Variants in KLF8 observed in about 807,000 individuals in gnomAD.
KLF8 encodes the protein KLF transcription factor 8.
A neutral mutation model predicts 18.2 loss-of-function variants in KLF8; 10 were observed. The observed-to-expected ratio is 0.55, with a 90% CI of 0.34 to 0.93. The LOEUF (loss-of-function observed/expected upper bound fraction) is 0.93, where lower values mean the gene tolerates loss of function less well. Among genes scored for constraint, KLF8 ranks in the 40% least tolerant of loss-of-function variants. KLF8 has a pLI of 0.02. For missense variants in KLF8, 264 were observed against 277.9 expected, an observed-to-expected ratio of 0.95 and a Z score of 0.36; for synonymous variants, 109 against 97.3, an observed-to-expected ratio of 1.12 and a Z score of -0.71.
chrX:56,154,041 A>G, the KLF8 span, among the ~76,000 whole-genome samples: 1 of 111,480 alleles, frequency 9.0e-6, no homozygotes, highest in Non-Finnish European at 1.9e-5. Context: ...ATCCCCATCA[A>G]GCCACCAATG....
At chrX:55,926,023 C>T in the KLF8 span, among the ~76,000 whole-genome samples, 45 of 111,294 alleles carry the variant, frequency 4.0e-4, no homozygotes, top group East Asian at 9.0e-3. Flanking sequence ...AATTATACTC[C>T]TTTAGTTATT....
the KLF8 span, among the ~76,000 whole-genome samples, chrX:55,934,500 ATGC>A: frequency 8.9e-6 from 1 of 112,306 alleles, no homozygotes; most frequent in Non-Finnish European, 1.9e-5. Flanking sequence ...ATCTCTTTGA[ATGC>A]TAGTGTAAGT....
chrX:56,091,668 TA>T, the KLF8 span, among the ~76,000 whole-genome samples: 1 of 110,784 alleles, frequency 9.0e-6, no homozygotes, highest in African/African-American at 3.3e-5. Flanking sequence ...CTAATTTTTG[TA>T]TTTTTAGTAG....
chrX:56,038,439 T>C, the KLF8 span, among the ~76,000 whole-genome samples: 1 of 112,005 alleles, frequency 8.9e-6, no homozygotes, highest in African/African-American at 3.2e-5. Flanking sequence ...GTTCTCATCA[T>C]TCAGACCACA....
At chrX:55,946,600 C>G in the KLF8 span, among the ~76,000 whole-genome samples, 5 of 111,452 alleles carry the variant, frequency 4.5e-5, no homozygotes, top group Admixed American at 9.6e-5. Flanking sequence ...TTTGAAACAC[C>G]AAAAGCAATG....
the KLF8 span, among the ~76,000 whole-genome samples, chrX:56,188,986 A>G: frequency 8.9e-6 from 1 of 111,926 alleles, no homozygotes; most frequent in Non-Finnish European, 1.9e-5. Context: ...TAAAACACCA[A>G]AAGCAATGGC....
the KLF8 span, among the ~76,000 whole-genome samples, chrX:55,989,688 G>A: frequency 9.0e-6 from 1 of 111,685 alleles, no homozygotes; most frequent in Non-Finnish European, 1.9e-5. Context: ...TCTCTGCCAG[G>A]CTTTGGTATC....
chrX:56,056,190 T>C, the KLF8 span, among the ~76,000 whole-genome samples: 1 of 111,461 alleles, frequency 9.0e-6, no homozygotes, highest in Non-Finnish European at 1.9e-5. Context: ...CTTTATGGGC[T>C]TATGGGTTTT....
At chrX:56,144,781 G>T in the KLF8 span, among the ~76,000 whole-genome samples, 1 of 52,405 alleles carries the variant, frequency 1.9e-5, no homozygotes, top group Non-Finnish European at 3.8e-5. Flanking sequence ...GAAAAGAAAA[G>T]AAGTTGGTGT....
the KLF8 span, among the ~76,000 whole-genome samples, chrX:55,924,848 G>GTTTTTTTT: frequency 4.8e-5 from 3 of 62,947 alleles, no homozygotes; most frequent in Non-Finnish European, 6.5e-5. Flanking sequence ...TTTGTTTTTT[G>GTTTTTTTT]CTTTTTTTTT....
chrX:55,994,439 TTTG>T, the KLF8 span, among the ~76,000 whole-genome samples: 2 of 109,327 alleles, frequency 1.8e-5, no homozygotes, highest in Admixed American at 9.7e-5. Flanking sequence ...AGCTGTAATT[TTTG>T]TTATTTTTTT....
chrX:56,084,217 TAA>T, the KLF8 span, among the ~76,000 whole-genome samples: 1 of 110,294 alleles, frequency 9.1e-6, no homozygotes, highest in African/African-American at 3.3e-5. Flanking sequence ...TGTCCCCACA[TAA>T]AATTTTTTAA....
the KLF8 span, among the ~76,000 whole-genome samples, chrX:56,100,989 T>A: frequency 8.9e-6 from 1 of 111,735 alleles, no homozygotes; most frequent in Non-Finnish European, 1.9e-5. Context: ...TATTTTACAT[T>A]CAGGGGGTAC....
the KLF8 span, among the ~76,000 whole-genome samples, chrX:56,080,646 G>A: frequency 6.3e-5 from 7 of 110,714 alleles, no homozygotes; most frequent in Non-Finnish European, 1.3e-4. Flanking sequence ...CTGTTCTCGA[G>A]GAGTATCTTT....
chrX:55,922,800 G>T, the KLF8 span, among the ~76,000 whole-genome samples: 2 of 111,977 alleles, frequency 1.8e-5, no homozygotes, highest in African/African-American at 6.5e-5. Context: ...CAGTCAGGAT[G>T]CCTATTATTA....
chrX:56,211,291 C>A, the KLF8 span, among the ~76,000 whole-genome samples: 2 of 112,429 alleles, frequency 1.8e-5, no homozygotes, highest in Admixed American at 9.4e-5. Flanking sequence ...TAGAGGTAAG[C>A]CTTTATGGTC....
At chrX:56,075,916 T>C in the KLF8 span, among the ~76,000 whole-genome samples, 2 of 111,944 alleles carry the variant, frequency 1.8e-5, no homozygotes, top group South Asian at 7.4e-4. Context: ...CATTCATCTG[T>C]TGATGGACGC....
chrX:56,254,865 G>T (rs2066767904), intron 2 of KLF8, among the ~76,000 whole-genome samples: 1 of 110,983 alleles, frequency 9.0e-6, no homozygotes, highest in Non-Finnish European at 1.9e-5. Flanking sequence ...GGTCAACCAT[G>T]GGTGGTTTTG....
the KLF8 span, among the ~76,000 whole-genome samples, chrX:56,216,730 A>G: frequency 2.7e-5 from 3 of 109,445 alleles, no homozygotes; most frequent in East Asian, 5.7e-4. Flanking sequence ...CCCTTCCTTT[A>G]TCTCCAGCCA....
Sources: gnomAD v4.1 joint callset for allele counts (sites outside exome capture counted in the v4.1 genomes callset) on GRCh38, gnomAD v4.1.1 for gene constraint, MANE v1.5 for transcripts, NCBI Gene and HGNC (gene_info 2026-07-23, HGNC 2026-07-21) for gene names.